Variants in KIAA1549L observed in about 807,000 individuals in gnomAD.
KIAA1549L encodes KIAA1549 like.
KIAA1549L carries 88 observed loss-of-function variants against 160.7 expected under a neutral mutation model. That is an observed-to-expected ratio of 0.55 (90% CI 0.46 to 0.65). KIAA1549L has a LOEUF of 0.65. Ranked by LOEUF, KIAA1549L falls within the 30% of genes least tolerant of loss-of-function variation. The pLI is 0.00. For missense variants in KIAA1549L, 2,258 were observed against 2,437.5 expected, an observed-to-expected ratio of 0.93 and a Z score of 1.55; for synonymous variants, 950 against 976.7, an observed-to-expected ratio of 0.97 and a Z score of 0.51.
intron 1 of KIAA1549L, among the ~76,000 whole-genome samples, chr11:33,482,112 G>A (rs975752099): frequency 6.6e-6 from 1 of 152,144 alleles, no homozygotes; most frequent in Admixed American, 6.5e-5. Context: ...ATTTCAAATA[G>A]CATTTTTTTC....
At chr11:33,595,950 T>G (rs1332017420) in intron 12 of KIAA1549L, among the ~76,000 whole-genome samples, 1 of 151,970 alleles carries the variant, frequency 6.6e-6, no homozygotes, top group Admixed American at 6.6e-5. Flanking sequence ...GTGTAGGGTC[T>G]TGGTGAGGCT....
intron 1 of KIAA1549L, among the ~76,000 whole-genome samples, chr11:33,414,773 A>G (rs1232702529): frequency 6.6e-6 from 1 of 152,160 alleles, no homozygotes; most frequent in Non-Finnish European, 1.5e-5. Context: ...AATCGAATAA[A>G]TAATGTGTTT....
chr11:33,547,608 A>G (rs1026234300), intron 3 of KIAA1549L, among the ~76,000 whole-genome samples, 156 bp from the exon 4 acceptor site: 10 of 152,218 alleles, frequency 6.6e-5, no homozygotes, highest in African/African-American at 2.2e-4. Context: ...CGGGACCCAC[A>G]GAGCTACCAC....
chr11:33,524,771 G>A lies in KIAA1549L; in HGVS notation c.239-17031G>A, dbSNP rs151334115. On this transcript the variant is annotated intron_variant, in intron 1 of 20. Coordinates refer to ENST00000658780, the MANE Select transcript of KIAA1549L (RefSeq NM_012194.3). The stretch of plus-strand genomic sequence containing the variant: ...GCATTTCAGTTAGAGTTAGATTTGT[G>A]ATAAATCTTAATGGGAAAGTGCTCA... Among the ~76,000 whole-genome samples, 648 of 152,228 alleles carry A rather than the reference G, an allele frequency of 4.3e-3. 2 individuals are homozygous for A. Among genetic ancestry groups the A allele is most frequent in the African/African-American group, 0.015 (609 of 41,532 alleles).
chr11:33,527,902 G>A (rs562928566), intron 1 of KIAA1549L, among the ~76,000 whole-genome samples: 1 of 152,272 alleles, frequency 6.6e-6, no homozygotes, highest in Admixed American at 6.5e-5. Context: ...TAATTCCTAT[G>A]TGTCATGGGA....
chr11:33,649,343 G>GAAA (rs545884059), intron 17 of KIAA1549L, among the ~76,000 whole-genome samples: 285 of 102,726 alleles, frequency 2.8e-3, no homozygotes, highest in African/African-American at 7.8e-3. Flanking sequence ...CTCTACGGGG[G>GAAA]AAAAAAAAAA....
chr11:33,641,673 CTG>C (rs886389519), intron 16 of KIAA1549L, among the ~76,000 whole-genome samples: 2 of 136,986 alleles, frequency 1.5e-5, no homozygotes, highest in Non-Finnish European at 3.1e-5. Context: ...ATCAAACTGT[CTG>C]TGTTCAAATC....
At chr11:33,554,957 A>T (rs1009825120) in intron 6 of KIAA1549L, among the ~76,000 whole-genome samples, 2 of 152,194 alleles carry the variant, frequency 1.3e-5, no homozygotes, top group African/African-American at 4.8e-5. Flanking sequence ...TAAGAGTTAA[A>T]GAGTGACAGG....
rs192029328 is a variant in KIAA1549L at position 33,407,531 on chromosome 11, T to C, written c.238+30642T>C. On this transcript the variant is annotated intron_variant, in intron 1 of 20. Transcript: ENST00000658780. ...GCCTTGCTAATTTTTGTATTTTCAG[T>C]AGAGACGGGGTTTCACCGTGTTGGC... Among the ~76,000 whole-genome samples the C allele has an allele frequency of 8.3e-3, 1,270 of 152,274 alleles. 9 individuals carry two copies. Among genetic ancestry groups the C allele is most frequent in the Non-Finnish European group, 0.014 (934 of 68,016 alleles).
intron 16 of KIAA1549L, among the ~76,000 whole-genome samples, chr11:33,629,763 C>A (rs909190517): frequency 6.6e-6 from 1 of 150,802 alleles, no homozygotes; most frequent in Non-Finnish European, 1.5e-5. Context: ...GTAATTTGAT[C>A]GTCTGAAGCC....
rs538911509 is a variant in KIAA1549L at position 33,616,666 on chromosome 11, A to G, written c.5280-1867A>G. On this transcript the variant is annotated intron_variant, in intron 15 of 20. Coordinates refer to ENST00000658780, the MANE Select transcript of KIAA1549L (RefSeq NM_012194.3). The stretch of plus-strand genomic sequence containing the variant: ...GGGTAATGCTTTGCCTTAGAATTCT[A>G]CTGCCTCTCCTAGACTATGTATGAT... Among the ~76,000 whole-genome samples the G allele has an allele frequency of 2.0e-5, 3 of 152,308 alleles. No homozygotes were observed. In the East Asian group the frequency reaches 5.8e-4, roughly 29 times the overall value.
At chr11:33,521,311 G>T (rs984908953) in intron 1 of KIAA1549L, among the ~76,000 whole-genome samples, 4 of 152,204 alleles carry the variant, frequency 2.6e-5, no homozygotes. Flanking sequence ...AGACTCTGGG[G>T]CCAGACAGCC....
intron 15 of KIAA1549L, among the ~76,000 whole-genome samples, chr11:33,618,230 C>T (rs1850871155): frequency 6.6e-6 from 1 of 152,204 alleles, no homozygotes; most frequent in South Asian, 2.1e-4. Flanking sequence ...CAAGGGAGAA[C>T]CCCTGGTCTT....
Position 33,435,802 on chromosome 11 carries a change from A to ATGTGTG in KIAA1549L, c.238+58914_238+58915insGTGTGT, listed in dbSNP as rs1197036690. 4.7e-3 allele frequency among the ~76,000 whole-genome samples: 77 copies of ATGTGTG among 16,476 alleles called. 8 individuals carry two copies. The highest frequency in any genetic ancestry group is 0.027 in the African/African-American group (68 of 2,540). 10.8% of individuals were successfully genotyped at this position (16,476 alleles called of 152,430 possible). ...TATATATATATATATATATATATAT[A>ATGTGTG]TATATATATGTGTGTGTATATATAT... On this transcript the variant is annotated intron_variant, in intron 1 of 20. Coordinates refer to ENST00000658780, the MANE Select transcript of KIAA1549L (RefSeq NM_012194.3).
intron 16 of KIAA1549L, among the ~76,000 whole-genome samples, chr11:33,619,965 C>T (rs1457364836): frequency 6.6e-6 from 1 of 152,218 alleles, no homozygotes; most frequent in Admixed American, 6.5e-5. Context: ...GGAACTTTTT[C>T]ACCTGCTCAG....
chr11:33,428,446 T>G (rs764429809), intron 1 of KIAA1549L, among the ~76,000 whole-genome samples: 1 of 151,974 alleles, frequency 6.6e-6, no homozygotes, highest in Non-Finnish European at 1.5e-5. Flanking sequence ...ATGCTCTCCC[T>G]CCCCATCCCC....
At position 33,542,718 on chromosome 11, in the gene KIAA1549L, C is replaced by G; in HGVS notation, c.1155C>G (p.Ser385=). ...TGGAAGTGGCTTCAGGTCCTGCATC[C>G]ACCCAGCAGATCAAAGCTGGGGTGC... ...SMLEVASGPA[S]TQQIKAGVPG... The change falls in exon 2 of 21, where the codon TCC becomes TCG. Residue 385 remains serine (S), a synonymous_variant. Coordinates refer to ENST00000658780, the MANE Select transcript of KIAA1549L (RefSeq NM_012194.3). 6.2e-7 allele frequency: 1 copy of G among 1,614,012 alleles called. No homozygotes were observed. Among genetic ancestry groups the G allele is most frequent in the South Asian group, 1.1e-5 (1 of 91,080 alleles).
chr11:33,502,316 A>G (rs551036889), intron 1 of KIAA1549L, among the ~76,000 whole-genome samples: 4 of 152,200 alleles, frequency 2.6e-5, no homozygotes, highest in Non-Finnish European at 4.4e-5. Context: ...CTTGAAAGAC[A>G]GGGAGAGAGA....
At chr11:33,608,270 A>G (rs995112992) in intron 14 of KIAA1549L, among the ~76,000 whole-genome samples, 1 of 152,250 alleles carries the variant, frequency 6.6e-6, no homozygotes, top group African/African-American at 2.4e-5. Flanking sequence ...TACTTAGACT[A>G]GTGCCTGGCA....
Sources: allele counts gnomAD v4.1 joint callset (sites outside exome capture counted in the v4.1 genomes callset), GRCh38; gene constraint gnomAD v4.1.1; transcripts MANE v1.5; gene names NCBI Gene and HGNC (gene_info 2026-07-23, HGNC 2026-07-21).